The following PER2 variants were observed in gnomAD, a reference collection of about 807,000 sequenced individuals.
PER2 encodes the protein period circadian protein homolog 2.
In PER2, 66 loss-of-function variants were observed where a neutral mutation model predicts 121.0. That is an observed-to-expected ratio of 0.55 (90% CI 0.45 to 0.67). PER2 has a LOEUF of 0.67. Ranked by LOEUF, PER2 falls within the 30% of genes least tolerant of loss-of-function variation. The pLI is 0.00. For synonymous variants in PER2, 684 were observed against 659.9 expected (o/e 1.04, Z -0.56); for missense variants, 1,521 against 1,635.0 (o/e 0.93, Z 1.20).
chr2:238,287,832 G>A (rs978006740), intron 1 of PER2, among the ~76,000 whole-genome samples: 1 of 152,200 alleles, frequency 6.6e-6, no homozygotes, highest in Admixed American at 6.5e-5. Context: ...CCTGAAGGGG[G>A]AAGCAGGCCA....
At position 238,253,534 on chromosome 2, in the gene PER2, G is replaced by A. The variant is rs758895250; in HGVS notation, c.2489C>T (p.Ala830Val). The A allele has an allele frequency of 6.2e-7, 1 of 1,611,428 alleles. No homozygotes were observed. The highest frequency in any genetic ancestry group is 8.5e-7 in the Non-Finnish European group (1 of 1,179,188). The change falls in exon 19 of 23, where the codon GCC becomes GTC. Residue 830 changes from alanine to valine, a missense_variant. By Grantham distance (64) the Ala-to-Val change is moderately conservative. Coordinates refer to ENST00000254657, the MANE Select transcript of PER2 (RefSeq NM_022817.3). This position sits in a 1 kb window ranked among gnomAD's most constrained non-coding sequence, Gnocchi z 5.6. ...RPPLVGLNAT[A>V]WSPSDTSQSS... The stretch of plus-strand genomic sequence containing the variant: ...CTGGGACGTGTCTGAGGGTGACCAG[G>A]CTGTGGCGTTCAAGCCCACCAGCGG...
At chr2:238,247,037 A>C (rs1695468866) in intron 22 of PER2, among the ~76,000 whole-genome samples, 1 of 152,218 alleles carries the variant, frequency 6.6e-6, no homozygotes, top group Non-Finnish European at 1.5e-5. Context: ...GGGTATATAG[A>C]GGACATCTGT....
rs931946291 is a variant in PER2 at position 238,252,062 on chromosome 2, A to G, written c.3112-301T>C. Among the ~76,000 whole-genome samples, 2 of 152,200 alleles carry G rather than the reference A, an allele frequency of 1.3e-5. No individual in the cohort carries two copies. The highest frequency in any genetic ancestry group is 6.5e-5 in the Admixed American group (1 of 15,280). On this transcript the variant is annotated intron_variant, in intron 19 of 22. Transcript: ENST00000254657. This position sits in a 1 kb window ranked among gnomAD's most constrained non-coding sequence, Gnocchi z 4.2. ...AAGCCTCAGGCTGCTCCTTGGCCAC[A>G]GCCCCCTCCTCACATGCAGCAGACA...
chr2:238,244,221 T>G lies in PER2; in HGVS notation c.*2154A>C, dbSNP rs565075240. ...CAGAAACTCTGAGAGCTTATTTACA[T>G]ATCTCTTCGGGAATATATTAAAAAG... On this transcript the variant is annotated 3_prime_UTR_variant, in exon 23 of 23. Coordinates refer to ENST00000254657, the MANE Select transcript of PER2 (RefSeq NM_022817.3). 10 of 152,550 alleles carry G rather than the reference T, an allele frequency of 6.6e-5. No homozygotes were observed. Among genetic ancestry groups the G allele is most frequent in the Non-Finnish European group, 1.2e-4 (8 of 68,038 alleles). 9.4% of individuals were successfully genotyped at this position (152,550 alleles called of 1,614,324 possible).
chr2:238,297,648 G>A, the PER2 span, among the ~76,000 whole-genome samples: 1 of 152,178 alleles, frequency 6.6e-6, no homozygotes, highest in Non-Finnish European at 1.5e-5. Context: ...GACCACATAT[G>A]CTGGAAACAG....
chr2:238,250,644 T>C lies in PER2; in HGVS notation c.3374A>G (p.Glu1125Gly), dbSNP rs570492954. The change falls in exon 21 of 23, where the codon GAG (glutamate) becomes GGG (glycine). Residue 1125 changes from glutamate (E) to glycine (G), a missense_variant. By Grantham distance (98) the Glu-to-Gly change is moderately conservative. Transcript: ENST00000254657. ...AKMNTGMEES[E>G]HFIKCVLQDP... ...CTGCAGGACGCACTTAATGAAATGC[T>C]CACTTTCTTCCATACCAGTGTTCAT... is the stretch of plus-strand genomic sequence containing the variant. The C allele has an allele frequency of 2.9e-5, 47 of 1,613,194 alleles. 1 individual carries two copies. Among genetic ancestry groups the C allele is most frequent in the Non-Finnish European group, 3.8e-5 (45 of 1,179,190 alleles).
At chr2:238,247,566 A>C (rs1463283822) in intron 22 of PER2, 1 of 152,330 alleles carries the variant, frequency 6.6e-6, no homozygotes. Context: ...GCCATCTGCC[A>C]TGCAGCAGCA....
chr2:238,289,010 G>T (rs1333090506), upstream of PER2: 1 of 152,222 alleles, frequency 6.6e-6, no homozygotes, highest in Non-Finnish European at 1.5e-5. Context: ...GCTACCCGTC[G>T]TCCTCCCTAG....
rs1355730130 is a variant in PER2, at chr2:238,250,692, G to A, written c.3326C>T (p.Ser1109Leu). ...CATTTTTGCTTTGTGATTATTCTCT[G>A]AGGAGTCAATGCTTCCAAAATATTT... ...TSKYFGSIDS[S>L]ENNHKAKMNT... is the part of the protein sequence containing the mutation. The change falls in exon 21 of 23, where the codon TCA becomes TTA. Residue 1109 changes from serine to leucine, a missense_variant. Physicochemically the swap from Ser to Leu is moderately radical, Grantham distance 145. Transcript: ENST00000254657. The A allele has an allele frequency of 3.1e-6, 5 of 1,613,772 alleles. No individual in the cohort carries two copies. The Admixed American group carries it at 8.3e-5, about 27-fold the overall frequency.
chr2:238,277,227 C>G (rs779582210), intron 2 of PER2, 34 bp from the exon 3 acceptor site: 2 of 1,372,182 alleles, frequency 1.5e-6, no homozygotes, highest in South Asian at 1.2e-5. Flanking sequence ...AAAATTTAGA[C>G]AATTGTATGC....
At chr2:238,263,639 TTC>T (rs1325527910) in intron 9 of PER2, among the ~76,000 whole-genome samples, 1 of 152,144 alleles carries the variant, frequency 6.6e-6, no homozygotes, top group Non-Finnish European at 1.5e-5. Flanking sequence ...CACCTTCTGC[TTC>T]TGTTTGTGTC....
At chr2:238,299,342 C>T in the PER2 span, 5 of 152,024 alleles carry the variant, frequency 3.3e-5, no homozygotes, top group African/African-American at 1.2e-4. Context: ...GAGTTCGAGA[C>T]CAGCCTGGCT....
At chr2:238,290,003 CT>C (rs1289922824), upstream of PER2, 1 of 152,240 alleles carries the variant, frequency 6.6e-6, no homozygotes, top group Non-Finnish European at 1.5e-5. Context: ...CAGCATCTCT[CT>C]TTACTCTTCT....
chr2:238,257,253 A>T (rs1455239590), intron 16 of PER2, among the ~76,000 whole-genome samples, 167 bp from the exon 17 acceptor site: 2 of 152,180 alleles, frequency 1.3e-5, no homozygotes, highest in Non-Finnish European at 2.9e-5. Flanking sequence ...ATTTGTCCCC[A>T]ATGTTTATTC....
chr2:238,283,611 C>T (rs1272407362), intron 1 of PER2, among the ~76,000 whole-genome samples: 1 of 152,206 alleles, frequency 6.6e-6, no homozygotes, highest in Non-Finnish European at 1.5e-5. Flanking sequence ...GGCCAGATCA[C>T]GGAGTGCCTT....
chr2:238,280,501 A>G (rs916929492), intron 1 of PER2, among the ~76,000 whole-genome samples: 1 of 152,250 alleles, frequency 6.6e-6, no homozygotes, highest in Non-Finnish European at 1.5e-5. Flanking sequence ...TAAGAATTCA[A>G]GAAATGATGG....
intron 22 of PER2, 69 bp downstream of exon 22, chr2:238,248,993 G>C (rs930975176): frequency 1.4e-5 from 21 of 1,502,620 alleles, no homozygotes; most frequent in Non-Finnish European, 1.9e-5. Context: ...AAGTTGCAAA[G>C]ACAGTACAGA....
At chr2:238,278,562 G>A (rs1162848154) in intron 1 of PER2, among the ~76,000 whole-genome samples, 1 of 152,332 alleles carries the variant, frequency 6.6e-6, no homozygotes, top group East Asian at 1.9e-4. Context: ...CGGCCTGTGG[G>A]GTGCTGGGAA....
chr2:238,269,038 TCA>T, intron 6 of PER2, 64 bp from the exon 7 acceptor site: 1 of 1,275,818 alleles, frequency 7.8e-7, no homozygotes, highest in Non-Finnish European at 1.1e-6. Context: ...TCCTCATTTC[TCA>T]CAAACAAAAG....
Sources: gnomAD v4.1 joint callset for allele counts (sites outside exome capture counted in the v4.1 genomes callset) on GRCh38, gnomAD v4.1.1 for gene constraint, Gnocchi (gnomAD v3.1) non-coding constraint, MANE v1.5 for transcripts, NCBI Gene and HGNC (gene_info 2026-07-23, HGNC 2026-07-21) for gene names.